Variants in PTPRG observed in about 807,000 individuals in gnomAD.
The protein encoded by PTPRG is protein tyrosine phosphatase receptor type G.
In PTPRG, 102 loss-of-function variants were observed where a neutral mutation model predicts 165.3. The ratio of observed to expected loss-of-function variants is 0.62; its 90% confidence interval spans 0.53 to 0.73. The LOEUF (loss-of-function observed/expected upper bound fraction) is 0.73, where lower values mean the gene tolerates loss of function less well. PTPRG is among the 30% of genes least tolerant of loss of function. The probability of loss-of-function intolerance (pLI) is 0.00; values close to 1 mark genes in which losing one functional copy is unlikely to be tolerated. For synonymous variants in PTPRG, 675 were observed against 669.5 expected, an observed-to-expected ratio of 1.01 and a Z score of -0.13; for missense variants, 1,866 against 1,861.4, an observed-to-expected ratio of 1.00 and a Z score of -0.05.
chr3:61,826,079 C>G (rs2036101614), intron 2 of PTPRG, among the ~76,000 whole-genome samples: 1 of 152,198 alleles, frequency 6.6e-6, no homozygotes, highest in South Asian at 2.1e-4. Flanking sequence ...CTCTCATTAT[C>G]ATTACCAGCT....
chr3:61,903,654 G>A (rs904653831), intron 2 of PTPRG, among the ~76,000 whole-genome samples: 6 of 152,136 alleles, frequency 3.9e-5, no homozygotes, highest in Non-Finnish European at 8.8e-5. Context: ...GGTTAATTGC[G>A]TGAGCCACCG....
At chr3:61,648,082 A>G (rs928457554) in intron 1 of PTPRG, among the ~76,000 whole-genome samples, 6 of 152,306 alleles carry the variant, frequency 3.9e-5, no homozygotes, top group African/African-American at 1.4e-4. Flanking sequence ...TGGAGGCTTC[A>G]TGTTTGATTA....
Position 61,721,141 on chromosome 3 carries a change from T to G in PTPRG, c.86-27737T>G, listed in dbSNP as rs543364685. Reference sequence around the variant, plus strand: ...CCTTCAGTGTTGATTCTTCCCTAGCTGGAATTACTGTACATTTCTGTTTCT... The same window carrying G: ...CCTTCAGTGTTGATTCTTCCCTAGCGGGAATTACTGTACATTTCTGTTTCT... On this transcript the variant is annotated intron_variant, in intron 1 of 29. Transcript: ENST00000474889. Among the ~76,000 whole-genome samples, 6 of 152,340 alleles carry G rather than the reference T, an allele frequency of 3.9e-5. No homozygotes were observed. The East Asian group carries it at 1.2e-3, about 29-fold the overall frequency.
At chr3:61,937,987 A>G (rs1411292747) in intron 2 of PTPRG, among the ~76,000 whole-genome samples, 1 of 150,942 alleles carries the variant, frequency 6.6e-6, no homozygotes, top group Non-Finnish European at 1.5e-5. Context: ...GAATTTTGCC[A>G]TGAGTGCTTT....
intron 1 of PTPRG, among the ~76,000 whole-genome samples, chr3:61,747,655 G>A (rs1194075433): frequency 2.6e-5 from 4 of 151,848 alleles, no homozygotes; most frequent in African/African-American, 7.3e-5. Flanking sequence ...TTTAATGACT[G>A]TCACATTGTC....
intron 2 of PTPRG, among the ~76,000 whole-genome samples, chr3:61,920,279 A>G (rs973689615): frequency 2.0e-5 from 3 of 152,204 alleles, no homozygotes; most frequent in African/African-American, 7.2e-5. Context: ...CCATGTCTAG[A>G]AATGCTCATC....
intron 1 of PTPRG, among the ~76,000 whole-genome samples, chr3:61,604,040 A>G (rs1412620676): frequency 6.6e-6 from 1 of 152,214 alleles, no homozygotes. Flanking sequence ...ATTTGTCAAC[A>G]TATGCCTGTA....
intron 4 of PTPRG, among the ~76,000 whole-genome samples, chr3:62,031,395 GT>G (rs757933764): frequency 1.1e-3 from 170 of 152,182 alleles, no homozygotes; most frequent in Non-Finnish European, 2.1e-3. Context: ...AAGCCCCAGT[GT>G]TTAGGAAGAG....
intron 2 of PTPRG, among the ~76,000 whole-genome samples, chr3:61,814,166 G>T (rs560858482): frequency 6.6e-6 from 1 of 152,322 alleles, no homozygotes; most frequent in East Asian, 1.9e-4. Flanking sequence ...CTCCCAAAGT[G>T]CTGGGATTAC....
At chr3:61,850,941 G>A (rs1194826237) in intron 2 of PTPRG, among the ~76,000 whole-genome samples, 2 of 152,122 alleles carry the variant, frequency 1.3e-5, no homozygotes, top group East Asian at 3.9e-4. Flanking sequence ...AGCTTGCGTG[G>A]GCACCTGTGA....
Position 62,117,005 on chromosome 3 carries a change from A to G in PTPRG, c.616-15597A>G, listed in dbSNP as rs181372334. ...CACCAATTTATATGTCACCATATCT[A>G]TACACTAAAACACACATACTACATT... On this transcript the variant is annotated intron_variant, in intron 5 of 29. Coordinates refer to ENST00000474889, the MANE Select transcript of PTPRG (RefSeq NM_002841.4). Among the ~76,000 whole-genome samples, 17 of 152,328 alleles carry G rather than the reference A, an allele frequency of 1.1e-4. No individual in the cohort carries two copies. In the East Asian group the frequency reaches 2.5e-3, roughly 22 times the overall value.
chr3:61,994,048 G>A (rs1212796614), intron 3 of PTPRG, among the ~76,000 whole-genome samples: 1 of 152,192 alleles, frequency 6.6e-6, no homozygotes, highest in African/African-American at 2.4e-5. Flanking sequence ...AAGACAGATA[G>A]CATCTCTCTA....
chr3:61,823,954 G>A lies in PTPRG; in HGVS notation c.190+74972G>A, dbSNP rs1391368957. Among the ~76,000 whole-genome samples the A allele has an allele frequency of 3.3e-5, 5 of 152,124 alleles. No individual in the cohort carries two copies. The East Asian group carries it at 9.7e-4, about 30-fold the overall frequency. ...ATCCTGGCTAACACAGGGAAACCCC[G>A]TCTCTACTAAATTACAAAAATTAGC... On this transcript the variant is annotated intron_variant, in intron 2 of 29. Coordinates refer to ENST00000474889, the MANE Select transcript of PTPRG (RefSeq NM_002841.4).
At chr3:61,731,794 A>C (rs2032512274) in intron 1 of PTPRG, among the ~76,000 whole-genome samples, 1 of 151,192 alleles carries the variant, frequency 6.6e-6, no homozygotes, top group Non-Finnish European at 1.5e-5. Context: ...CTGCATAGGT[A>C]CTTTTTTTTT....
intron 13 of PTPRG, among the ~76,000 whole-genome samples, chr3:62,220,995 G>A (rs1700638480): frequency 6.6e-6 from 1 of 152,060 alleles, no homozygotes; most frequent in African/African-American, 2.4e-5. Context: ...AAGGACCATG[G>A]GGCCAAACAG....
chr3:61,787,044 C>T (rs2034724617), intron 2 of PTPRG, among the ~76,000 whole-genome samples: 1 of 152,000 alleles, frequency 6.6e-6, no homozygotes, highest in African/African-American at 2.4e-5. Flanking sequence ...TTAAAAGCTC[C>T]TCATAACGTA....
chr3:61,742,029 A>G (rs2033011454), intron 1 of PTPRG, among the ~76,000 whole-genome samples: 1 of 152,212 alleles, frequency 6.6e-6, no homozygotes, highest in Non-Finnish European at 1.5e-5. Context: ...AACTTAAGAA[A>G]AAACATCTAT....
At chr3:61,810,883 A>T (rs1425983812) in intron 2 of PTPRG, among the ~76,000 whole-genome samples, 1 of 151,806 alleles carries the variant, frequency 6.6e-6, no homozygotes, top group African/African-American at 2.4e-5. Context: ...CATCAAGGTG[A>T]CATCATATGA....
At chr3:61,669,452 A>G (rs1310816294) in intron 1 of PTPRG, among the ~76,000 whole-genome samples, 1 of 152,270 alleles carries the variant, frequency 6.6e-6, no homozygotes, top group Non-Finnish European at 1.5e-5. Context: ...GTGGCTTAAC[A>G]GTGTCTGCAG....
Sources: allele counts gnomAD v4.1 joint callset (sites outside exome capture counted in the v4.1 genomes callset), GRCh38; gene constraint gnomAD v4.1.1; transcripts MANE v1.5; gene names NCBI Gene and HGNC (gene_info 2026-07-23, HGNC 2026-07-21).